The following MIDEAS variants were observed in gnomAD, a reference collection of about 807,000 sequenced individuals.
MIDEAS encodes the protein mitotic deacetylase associated SANT domain protein.
Under a neutral mutation model 102.7 loss-of-function variants are expected in MIDEAS, and 26 were observed. The ratio of observed to expected loss-of-function variants is 0.25; its 90% CI spans 0.19 to 0.35. MIDEAS has a LOEUF of 0.35. MIDEAS is among the 10% of genes least tolerant of loss of function. MIDEAS has a pLI of 1.00. For missense variants in MIDEAS, 1,231 were observed against 1,435.6 expected (o/e 0.86, Z 2.30); for synonymous variants, 585 against 591.0 (o/e 0.99, Z 0.15).
intron 1 of MIDEAS, among the ~76,000 whole-genome samples, chr14:73,768,588 G>A (rs1422642283): frequency 1.4e-5 from 2 of 147,916 alleles, no homozygotes; most frequent in Admixed American, 6.8e-5. Flanking sequence ...AGGTTCAAGC[G>A]ATTCTCCCAC....
chr14:73,762,700 C>T (rs2053563916), upstream of MIDEAS, among the ~76,000 whole-genome samples: 1 of 152,180 alleles, frequency 6.6e-6, no homozygotes, highest in South Asian at 2.1e-4. Context: ...GCTCCAGCCC[C>T]TGCTACAAGT....
At position 73,725,216 on chromosome 14, in the gene MIDEAS, A is replaced by T; in HGVS notation, c.2574+56T>A. The T allele has an allele frequency of 6.8e-7, 1 of 1,465,820 alleles. No homozygotes were observed. The highest frequency in any genetic ancestry group is 1.7e-5 in the Admixed American group (1 of 59,794). The allele number at this position is 1,465,820 out of a possible 1,614,324, so 90.8% of individuals were successfully genotyped here. ...ATTGGTCACTGGCAGAGGGAGCCCC[A>T]AAGTCACACAGGCAGCTCCTGGCCC... On this transcript the variant is annotated intron_variant, in intron 9 of 12. Transcript: ENST00000423556. The surrounding 1 kb of genome is among the most constrained non-coding windows in gnomAD (Gnocchi z 4.1).
Position 73,740,093 on chromosome 14 carries a change from C to G in MIDEAS, c.-85G>C, listed in dbSNP as rs1202981484. 7.1e-7 allele frequency: 1 copy of G among 1,403,582 alleles called. No homozygotes were observed. Among genetic ancestry groups the G allele is most frequent in the Non-Finnish European group, 9.3e-7 (1 of 1,079,502 alleles). 86.9% of individuals were successfully genotyped at this position (1,403,582 alleles called of 1,614,324 possible). ...GAAACGTCCTGCTGGAAGCCGGGCT[C>G]TAGTCCAGGAGCCAGGGAGGGCAGA... is the stretch of plus-strand genomic sequence containing the variant. On this transcript the variant is annotated 5_prime_UTR_variant, in exon 2 of 13. An upstream open reading frame in the 5' UTR loses its in-frame stop. Coordinates refer to ENST00000423556, the MANE Select transcript of MIDEAS (RefSeq NM_001367710.1).
intron 3 of MIDEAS, among the ~76,000 whole-genome samples, chr14:73,734,645 G>C (rs767889258): frequency 6.6e-6 from 1 of 151,742 alleles, no homozygotes; most frequent in Non-Finnish European, 1.5e-5. Flanking sequence ...TGCCCAGGCT[G>C]GTCTCGAACT....
chr14:73,748,537 G>T (rs1357630048), intron 1 of MIDEAS, among the ~76,000 whole-genome samples: 1 of 144,968 alleles, frequency 6.9e-6, no homozygotes, highest in Non-Finnish European at 1.5e-5. Context: ...TACCAAAAAA[G>T]AAAAAAGAAA....
rs11847050 is a variant in MIDEAS at position 73,729,878 on chromosome 14, G to A, written c.1857C>T (p.Ile619=). Residue 619 remains isoleucine, a synonymous_variant, in exon 4 of 13, where the codon ATC becomes ATT. Coordinates refer to ENST00000423556, the MANE Select transcript of MIDEAS (RefSeq NM_001367710.1). ...LIIPTKAGTF[I]APPVYSNITP... is the part of the protein sequence containing the mutation. Reference sequence around the variant, plus strand: ...TGATGTTGGAGTAGACGGGAGGGGCGATGAAAGTGCCCGCCTTGGTGGGGA... The same window carrying A: ...TGATGTTGGAGTAGACGGGAGGGGCAATGAAAGTGCCCGCCTTGGTGGGGA... 104,329 of 1,613,464 alleles carry A rather than the reference G, an allele frequency of 0.065. 4,446 individuals carry two copies. Among genetic ancestry groups the A allele is most frequent in the African/African-American group, 0.2 (14,651 of 74,992 alleles).
chr14:73,715,966 G>A lies in MIDEAS; in HGVS notation c.*2877C>T, dbSNP rs2052881783. ...ATGGTGGAGACCTCAGAAATGGTCT[G>A]CAACACAGGCACTAGGTCAGTTTCC... On this transcript the variant is annotated 3_prime_UTR_variant, in exon 13 of 13. Coordinates refer to ENST00000423556, the MANE Select transcript of MIDEAS (RefSeq NM_001367710.1). 1 of 152,340 alleles carries A rather than the reference G, an allele frequency of 6.6e-6. No homozygotes were observed. The highest frequency in any genetic ancestry group is 2.1e-4 in the South Asian group (1 of 4,830). 9.4% of individuals were successfully genotyped at this position (152,340 alleles called of 1,614,324 possible). A position where few individuals can be genotyped will look rare whatever the true frequency, so the allele number is the denominator to read the frequency against.
At position 73,725,952 on chromosome 14, in the gene MIDEAS, G is replaced by T; in HGVS notation, c.2485+81C>A. On this transcript the variant is annotated intron_variant, in intron 8 of 12. Transcript: ENST00000423556. The surrounding 1 kb of genome is among the most constrained non-coding windows in gnomAD (Gnocchi z 4.1). ...TCCTCCCGCCCCCACCCAGGGCTGT[G>T]ACTCAGCACTGAGCAGGGCCCCATG... is the stretch of plus-strand genomic sequence containing the variant. 1 of 1,243,086 alleles carries T rather than the reference G, an allele frequency of 8.0e-7. No homozygotes were observed. The allele number at this position is 1,243,086 out of a possible 1,614,324, so 77.0% of individuals were successfully genotyped here.
rs2052876014 is a variant in MIDEAS at position 73,715,705 on chromosome 14, A to AT, written c.*3137_*3138insA. On this transcript the variant is annotated 3_prime_UTR_variant, in exon 13 of 13. Coordinates refer to ENST00000423556, the MANE Select transcript of MIDEAS (RefSeq NM_001367710.1). ...AAAGCGAGCCCCAGTGAAAACAACT[A>AT]AACAGGCTGAGGCTTGAGTATGTGT... 1 of 152,618 alleles carries AT rather than the reference A, an allele frequency of 6.6e-6. No homozygotes were observed. Among genetic ancestry groups the AT allele is most frequent in the South Asian group, 2.1e-4 (1 of 4,836 alleles). The allele number at this position is 152,618 out of a possible 1,614,324, so 9.5% of individuals were successfully genotyped here. A position where few individuals can be genotyped will look rare whatever the true frequency, so the allele number is the denominator to read the frequency against.
intron 1 of MIDEAS, among the ~76,000 whole-genome samples, chr14:73,752,464 A>ACCCACCTGG (rs1397779456): frequency 1.3e-5 from 2 of 152,058 alleles, no homozygotes; most frequent in African/African-American, 4.8e-5. Flanking sequence ...AAGGGCCAAG[A>ACCCACCTGG]CCCACCTGGT....
chr14:73,778,758 T>A (rs1439360930), intron 1 of MIDEAS, among the ~76,000 whole-genome samples: 1 of 152,058 alleles, frequency 6.6e-6, no homozygotes, highest in African/African-American at 2.4e-5. Context: ...ACACCAGGGC[T>A]GGGTCAACCC....
At chr14:73,719,564 A>C in intron 11 of MIDEAS, 63 bp from the exon 12 acceptor site, 1 of 1,528,538 alleles carries the variant, frequency 6.5e-7, no homozygotes, top group Non-Finnish European at 8.9e-7. Context: ...GAATTCTAAA[A>C]TCGCAGGGAA....
chr14:73,770,413 C>T (rs1317559790), intron 1 of MIDEAS, among the ~76,000 whole-genome samples: 4 of 151,942 alleles, frequency 2.6e-5, no homozygotes, highest in Non-Finnish European at 5.9e-5. Flanking sequence ...ATGTAAGGGC[C>T]ACTGAACAGG....
In MIDEAS at chr14:73,742,319, C is replaced by T. The variant is rs2053292844; in HGVS notation, c.-247-2064G>A. On this transcript the variant is annotated intron_variant, in intron 1 of 12. Transcript: ENST00000423556. This position sits in a 1 kb window ranked among gnomAD's most constrained non-coding sequence, Gnocchi z 4.4. Reference sequence around the variant, plus strand: ...GTGAGCCACAGCACGGGCTTGAGGCCTGGAGCAAGGGAAGGTCCACGTGGC... The same window carrying T: ...GTGAGCCACAGCACGGGCTTGAGGCTTGGAGCAAGGGAAGGTCCACGTGGC... 6.6e-6 allele frequency among the ~76,000 whole-genome samples: 1 copy of T among 152,218 alleles called. No homozygotes were observed. The highest frequency in any genetic ancestry group is 2.4e-5 in the African/African-American group (1 of 41,438).
At chr14:73,723,911 T>A (rs2053028484) in intron 9 of MIDEAS, 1 of 152,190 alleles carries the variant, frequency 6.6e-6, no homozygotes, top group African/African-American at 2.4e-5. Flanking sequence ...AATGTCACAG[T>A]GTCCCCTGTC....
Position 73,746,499 on chromosome 14 carries a change from G to A in MIDEAS, c.-247-6244C>T, listed in dbSNP as rs568982999. Among the ~76,000 whole-genome samples the A allele has an allele frequency of 3.9e-5, 6 of 152,312 alleles. No homozygotes were observed. The South Asian group carries it at 1.2e-3, about 32-fold the overall frequency. Reference sequence around the variant, plus strand: ...TTCCTCCGCAGGAGACTCAGCAGATGTTCCTGAGGCCCTCTGGTGAGGGCC... The same window carrying A: ...TTCCTCCGCAGGAGACTCAGCAGATATTCCTGAGGCCCTCTGGTGAGGGCC... On this transcript the variant is annotated intron_variant, in intron 1 of 12. Coordinates refer to ENST00000423556, the MANE Select transcript of MIDEAS (RefSeq NM_001367710.1).
At chr14:73,727,632 G>C in intron 4 of MIDEAS, 108 bp from the exon 5 acceptor site, 1 of 1,070,092 alleles carries the variant, frequency 9.3e-7, no homozygotes, top group Non-Finnish European at 1.3e-6. Flanking sequence ...GACACACAGA[G>C]CTCACGCAGG....
chr14:73,765,633 C>G (rs2053586889), intron 1 of MIDEAS, among the ~76,000 whole-genome samples: 1 of 152,136 alleles, frequency 6.6e-6, no homozygotes, highest in African/African-American at 2.4e-5. Context: ...GGCTCTGCCC[C>G]ACTTCCCAGC....
chr14:73,772,424 T>A (rs1018494753), intron 1 of MIDEAS, among the ~76,000 whole-genome samples: 1 of 152,252 alleles, frequency 6.6e-6, no homozygotes, highest in Non-Finnish European at 1.5e-5. Flanking sequence ...TATGCACTTA[T>A]GCAATTCTGT....
Sources: allele counts gnomAD v4.1 joint callset (sites outside exome capture counted in the v4.1 genomes callset), GRCh38; gene constraint gnomAD v4.1.1; non-coding constraint Gnocchi (gnomAD v3.1); transcripts MANE v1.5; gene names NCBI Gene and HGNC (gene_info 2026-07-23, HGNC 2026-07-21).